FRMPD3: variants seen among roughly 807,000 people sequenced by gnomAD.
FRMPD3 encodes the protein FERM and PDZ domain-containing protein 3.
In FRMPD3, 42 loss-of-function variants were observed where a neutral mutation model predicts 97.9. The ratio of observed to expected loss-of-function variants is 0.43; its 90% CI spans 0.34 to 0.55. FRMPD3 has a LOEUF of 0.55. Among genes scored for constraint, FRMPD3 ranks in the 20% least tolerant of loss-of-function variants. The probability of loss-of-function intolerance (pLI) is 0.03; values close to 1 mark genes in which losing one functional copy is unlikely to be tolerated. For synonymous variants in FRMPD3, 577 were observed against 581.1 expected (o/e 0.99, Z 0.10); for missense variants, 1,303 against 1,457.7 (o/e 0.89, Z 1.73).
At chrX:107,551,624 C>T (rs1330033699) in intron 6 of FRMPD3, among the ~76,000 whole-genome samples, 3 of 112,061 alleles carry the variant, frequency 2.7e-5, no homozygotes, top group African/African-American at 6.5e-5. Context: ...GGTGTGCTGG[C>T]GACTTATTGG....
chrX:107,533,546 A>G lies in FRMPD3; in HGVS notation c.293A>G (p.His98Arg). ...ATCGTTCTTACAGTTCTGCACACTC[A>G]TCAGGTGAGTGAGCCTCTTTGCCAT... ...EFIVLTVLHT[H>R]QSPKSAFISA... The change falls in exon 4 of 15, where the codon CAT becomes CGT. Residue 98 changes from histidine (H) to arginine (R), a missense_variant. Transcript: ENST00000683843. The G allele has an allele frequency of 8.3e-7, 1 of 1,205,262 alleles. No homozygotes were observed. Among genetic ancestry groups the G allele is most frequent in the Non-Finnish European group, 1.1e-6 (1 of 891,703 alleles).
chrX:107,583,277 C>G (rs1923483330), intron 13 of FRMPD3, among the ~76,000 whole-genome samples: 1 of 108,631 alleles, frequency 9.2e-6, no homozygotes. Flanking sequence ...TGTGTTGTTA[C>G]CCACCCTGTG....
At position 107,603,173 on chromosome X, in the gene FRMPD3, G is replaced by A. The variant is rs1334720340; in HGVS notation, c.5134G>A (p.Ala1712Thr). ...FLLRAAEEST[A>T]RNLNQQQQQQ... is the part of the protein sequence containing the mutation. ...GCTGCGTGCAGCTGAGGAGTCCACA[G>A]CCCGTAACCTTAACCAGCAGCAGCA... The change falls in exon 15 of 15, where the codon GCC becomes ACC. Residue 1712 changes from alanine (A) to threonine (T), a missense_variant. Physicochemically the swap from Ala to Thr is moderately conservative, Grantham distance 58. Coordinates refer to ENST00000683843, the MANE Select transcript of FRMPD3 (RefSeq NM_001388459.1). The A allele has an allele frequency of 7.3e-6, 8 of 1,090,805 alleles. No homozygotes were observed. The highest frequency in any genetic ancestry group is 9.6e-6 in the Non-Finnish European group (8 of 833,177). The allele number at this position is 1,090,805 out of a possible 1,213,427, so 89.9% of individuals were successfully genotyped here. A position where few individuals can be genotyped will look rare whatever the true frequency, so the allele number is the denominator to read the frequency against.
intron 1 of FRMPD3, among the ~76,000 whole-genome samples, chrX:107,469,319 C>T (rs1921003978): frequency 9.0e-6 from 1 of 111,698 alleles, no homozygotes; most frequent in Admixed American, 9.5e-5. Flanking sequence ...TCACATCTCA[C>T]GTGGATGGCA....
chrX:107,599,904 A>G (rs141061167), intron 14 of FRMPD3, among the ~76,000 whole-genome samples: 1,414 of 110,983 alleles, frequency 0.013, 28 homozygotes, highest in Admixed American at 0.07. Context: ...TGCACTTCCT[A>G]TATAGTCAGC....
chrX:107,601,372 C>T lies in FRMPD3; in HGVS notation c.3333C>T (p.Ser1111=). ...SSQGEKAQLE[S]TPKRSKLEET... is the part of the protein sequence containing the mutation. Reference sequence around the variant, plus strand: ...AAGGGGAGAAGGCGCAGCTGGAGAGCACACCCAAAAGAAGCAAGCTCGAAG... The same window carrying T: ...AAGGGGAGAAGGCGCAGCTGGAGAGTACACCCAAAAGAAGCAAGCTCGAAG... The change falls in exon 15 of 15, where the codon AGC becomes AGT. Residue 1111 remains serine (S), a synonymous_variant. Transcript: ENST00000683843. The T allele has an allele frequency of 8.3e-7, 1 of 1,208,175 alleles. No individual in the cohort carries two copies. The highest frequency in any genetic ancestry group is 1.1e-6 in the Non-Finnish European group (1 of 894,010).
In FRMPD3 at chrX:107,494,789, G is replaced by A. The variant is rs866897399; in HGVS notation, c.-7-31793G>A. Among the ~76,000 whole-genome samples the A allele has an allele frequency of 3.6e-5, 4 of 111,856 alleles. No individual in the cohort carries two copies. The South Asian group carries it at 1.1e-3, about 32-fold the overall frequency. Reference sequence around the variant, plus strand: ...ACAGAGCTAATAAGTAGTGGAAACTGGAAGCAAGCCCAGATCTGTGGAACT... The same window carrying A: ...ACAGAGCTAATAAGTAGTGGAAACTAGAAGCAAGCCCAGATCTGTGGAACT... On this transcript the variant is annotated intron_variant, in intron 1 of 14. Transcript: ENST00000683843.
chrX:107,594,510 G>A (rs1353941887), intron 13 of FRMPD3, among the ~76,000 whole-genome samples: 1 of 112,438 alleles, frequency 8.9e-6, no homozygotes, highest in African/African-American at 3.2e-5. Flanking sequence ...TAAGGTAGAA[G>A]TGGAAGTTTA....
chrX:107,473,834 A>G (rs886225941), intron 1 of FRMPD3, among the ~76,000 whole-genome samples: 3 of 112,579 alleles, frequency 2.7e-5, no homozygotes, highest in African/African-American at 9.7e-5. Flanking sequence ...CTGTAATCCC[A>G]GCACTTTGGG....
intron 1 of FRMPD3, among the ~76,000 whole-genome samples, chrX:107,501,359 T>A (rs766691458): frequency 3.7e-4 from 30 of 80,972 alleles, no homozygotes; most frequent in African/African-American, 1.5e-3. Context: ...TCCTATTTTT[T>A]TTTTTTTTTT....
chrX:107,569,850 T>C (rs1922796721), intron 12 of FRMPD3, among the ~76,000 whole-genome samples: 1 of 110,559 alleles, frequency 9.0e-6, no homozygotes, highest in Non-Finnish European at 1.9e-5. Context: ...ACTCTGTCTC[T>C]ACTAAAAATA....
chrX:107,508,397 T>G (rs1007293111), intron 1 of FRMPD3, among the ~76,000 whole-genome samples: 1 of 112,220 alleles, frequency 8.9e-6, no homozygotes, highest in African/African-American at 3.2e-5. Context: ...CTAGTAATAA[T>G]GATAACAGTA....
chrX:107,456,584 C>G (rs183808887), intron 1 of FRMPD3, among the ~76,000 whole-genome samples: 1 of 112,210 alleles, frequency 8.9e-6, no homozygotes, highest in East Asian at 2.8e-4. Flanking sequence ...ACAATAATGC[C>G]TTTGTATTAT....
chrX:107,467,311 CAGAG>C (rs780770643), intron 1 of FRMPD3, among the ~76,000 whole-genome samples: 6 of 110,151 alleles, frequency 5.4e-5, no homozygotes, highest in African/African-American at 1.3e-4. Flanking sequence ...GTGTGTGTGA[CAGAG>C]AGAGAGTGCA....
At chrX:107,563,253 G>A in intron 11 of FRMPD3, 53 bp downstream of exon 11, 1 of 1,014,242 alleles carries the variant, frequency 9.9e-7, no homozygotes, top group Non-Finnish European at 1.4e-6. Context: ...GTTGGCTCTT[G>A]TCCTTGGGTG....
Position 107,600,617 on chromosome X carries a change from C to T in FRMPD3, c.2578C>T (p.Leu860=), listed in dbSNP as rs765502148. The change falls in exon 15 of 15, where the codon CTG becomes TTG. Residue 860 remains leucine (L), a synonymous_variant. Coordinates refer to ENST00000683843, the MANE Select transcript of FRMPD3 (RefSeq NM_001388459.1). ...SPGPPGARRK[L]PQSEGQVQGE... ...TGGCCCCCCTGGCGCTCGGAGGAAG[C>T]TGCCCCAGTCAGAGGGCCAGGTACA... 2 of 1,209,247 alleles carry T rather than the reference C, an allele frequency of 1.7e-6. No homozygotes were observed. Among genetic ancestry groups the T allele is most frequent in the Non-Finnish European group, 2.2e-6 (2 of 894,557 alleles).
At chrX:107,593,710 T>C (rs958137748) in intron 13 of FRMPD3, among the ~76,000 whole-genome samples, 22 of 111,572 alleles carry the variant, frequency 2.0e-4, no homozygotes, top group African/African-American at 7.2e-4. Context: ...GTTGTAAGTA[T>C]TTGGGTTTAT....
In FRMPD3 at chrX:107,584,293, T is replaced by G. The variant is rs181290814; in HGVS notation, c.1441+7834T>G. On this transcript the variant is annotated intron_variant, in intron 13 of 14. Coordinates refer to ENST00000683843, the MANE Select transcript of FRMPD3 (RefSeq NM_001388459.1). ...GCCCACTTTTTTATGGGATTGTTTG[T>G]TTTTTTTCCTTGTAAATTTGTTTAA... 7.8e-3 allele frequency among the ~76,000 whole-genome samples: 873 copies of G among 111,400 alleles called. 3 individuals carry two copies. The highest frequency in any genetic ancestry group is 0.014 in the Non-Finnish European group (740 of 53,007).
intron 1 of FRMPD3, among the ~76,000 whole-genome samples, chrX:107,503,072 C>G (rs1203160887): frequency 1.8e-5 from 2 of 111,765 alleles, no homozygotes; most frequent in Middle Eastern, 4.2e-3. Flanking sequence ...GGGGGTTTCA[C>G]AGGCACATAG....
Sources: gnomAD v4.1 joint callset for allele counts (sites outside exome capture counted in the v4.1 genomes callset) on GRCh38, gnomAD v4.1.1 for gene constraint, MANE v1.5 for transcripts, NCBI Gene and HGNC (gene_info 2026-07-23, HGNC 2026-07-21) for gene names.